The following ZSWIM6 variants were observed in gnomAD, a reference collection of about 807,000 sequenced individuals.
ZSWIM6 encodes zinc finger SWIM-type containing 6.
In ZSWIM6, 9 loss-of-function variants were observed where a neutral mutation model predicts 113.2. The ratio of observed to expected loss-of-function variants is 0.08; its 90% CI spans 0.05 to 0.14. ZSWIM6 has a LOEUF of 0.14. Among genes scored for constraint, ZSWIM6 ranks in the 10% least tolerant of loss-of-function variants. The pLI, the probability that ZSWIM6 is intolerant of heterozygous loss-of-function variation, is 1.00. For synonymous variants in ZSWIM6, 611 were observed against 606.5 expected, an observed-to-expected ratio of 1.01 and a Z score of -0.11; for missense variants, 1,162 against 1,552.2, an observed-to-expected ratio of 0.75 and a Z score of 4.22.
At chr5:61,340,977 C>G (rs1217317774) in intron 1 of ZSWIM6, among the ~76,000 whole-genome samples, 3 of 152,204 alleles carry the variant, frequency 2.0e-5, no homozygotes, top group African/African-American at 7.2e-5. Flanking sequence ...AACTACAAAA[C>G]TGTATTACAG....
At chr5:61,421,593 A>G (rs1341275838) in intron 1 of ZSWIM6, among the ~76,000 whole-genome samples, 1 of 152,104 alleles carries the variant, frequency 6.6e-6, no homozygotes, top group Admixed American at 6.5e-5. Context: ...CAGGTATTAA[A>G]CCCAGTACCC....
chr5:61,367,867 T>A (rs1745192372), intron 1 of ZSWIM6, among the ~76,000 whole-genome samples: 1 of 152,172 alleles, frequency 6.6e-6, no homozygotes, highest in South Asian at 2.1e-4. Context: ...ACACCTGTAA[T>A]CCCAACATTT....
chr5:61,379,854 G>T (rs1745441940), intron 1 of ZSWIM6, among the ~76,000 whole-genome samples: 2 of 152,070 alleles, frequency 1.3e-5, no homozygotes, highest in African/African-American at 4.8e-5. Flanking sequence ...CCTAGGGTAG[G>T]TAGGAGATCC....
chr5:61,345,193 A>G (rs1300555150), intron 1 of ZSWIM6, among the ~76,000 whole-genome samples: 2 of 152,224 alleles, frequency 1.3e-5, no homozygotes, highest in Non-Finnish European at 2.9e-5. Context: ...CATTAAAAAG[A>G]AACACATACT....
At chr5:61,533,176 C>T (rs1049163604) in intron 9 of ZSWIM6, among the ~76,000 whole-genome samples, 3 of 152,228 alleles carry the variant, frequency 2.0e-5, no homozygotes, top group Admixed American at 2.0e-4. Flanking sequence ...GCCTCTTCTC[C>T]TTTCCTGGCC....
intron 4 of ZSWIM6, among the ~76,000 whole-genome samples, chr5:61,512,084 A>G (rs971049952): frequency 2.0e-4 from 30 of 152,064 alleles, no homozygotes; most frequent in Admixed American, 1.6e-3. Context: ...CCACCACCAC[A>G]ATCAAGATAG....
chr5:61,332,999 TGGGG>T, intron 1 of ZSWIM6, 51 bp downstream of exon 1: 16 of 622,010 alleles, frequency 2.6e-5, no homozygotes, highest in African/African-American at 4.4e-5. Context: ...AGTCCCTGGG[TGGGG>T]GGGGGGTGCC....
intron 1 of ZSWIM6, among the ~76,000 whole-genome samples, chr5:61,384,980 A>G (rs1365171387): frequency 6.6e-6 from 1 of 152,156 alleles, no homozygotes; most frequent in East Asian, 1.9e-4. Flanking sequence ...GAATGGCGTG[A>G]ACCCGGGAGG....
intron 9 of ZSWIM6, among the ~76,000 whole-genome samples, chr5:61,533,891 T>C (rs1749509329): frequency 6.6e-6 from 1 of 152,212 alleles, no homozygotes; most frequent in Non-Finnish European, 1.5e-5. Flanking sequence ...ATCATTGGCT[T>C]CTGATGAGGG....
chr5:61,412,625 A>G lies in ZSWIM6; in HGVS notation c.677-60056A>G, dbSNP rs188556048. Among the ~76,000 whole-genome samples, 167 of 152,344 alleles carry G rather than the reference A, an allele frequency of 1.1e-3. 1 individual carries two copies. The highest frequency in any genetic ancestry group is 3.8e-3 in the African/African-American group (158 of 41,564). On this transcript the variant is annotated intron_variant, in intron 1 of 13. Coordinates refer to ENST00000252744, the MANE Select transcript of ZSWIM6 (RefSeq NM_020928.2). ...GTTCCGCAGTGAAAACAGATTGTCA[A>G]AACCAGAAAAGAGGCACATTGTGCT...
chr5:61,415,462 C>T (rs1287531702), intron 1 of ZSWIM6, among the ~76,000 whole-genome samples: 3 of 151,902 alleles, frequency 2.0e-5, no homozygotes, highest in African/African-American at 7.3e-5. Context: ...CGTGGTGGCA[C>T]GTGCCTGTAA....
chr5:61,493,333 T>C (rs1044653869), intron 3 of ZSWIM6, among the ~76,000 whole-genome samples: 19 of 152,228 alleles, frequency 1.2e-4, no homozygotes, highest in African/African-American at 4.6e-4. Context: ...CTTTATGCAA[T>C]TACTAATTTA....
chr5:61,365,586 A>G (rs955529285), intron 1 of ZSWIM6, among the ~76,000 whole-genome samples: 11 of 152,132 alleles, frequency 7.2e-5, no homozygotes, highest in African/African-American at 2.4e-4. Flanking sequence ...TGATCCTTCC[A>G]TTTCACCCTC....
intron 1 of ZSWIM6, among the ~76,000 whole-genome samples, chr5:61,424,219 TAAAAG>T (rs1746417420): frequency 6.6e-6 from 1 of 152,182 alleles, no homozygotes; most frequent in Non-Finnish European, 1.5e-5. Flanking sequence ...TTTCTAAAAA[TAAAAG>T]GAACTGCCTA....
intron 1 of ZSWIM6, among the ~76,000 whole-genome samples, chr5:61,408,467 A>G (rs1337892784): frequency 6.6e-6 from 1 of 152,232 alleles, no homozygotes; most frequent in African/African-American, 2.4e-5. Flanking sequence ...TTGAAAATTA[A>G]CATTGCTTTA....
intron 4 of ZSWIM6, among the ~76,000 whole-genome samples, chr5:61,517,759 A>AT (rs199798959): frequency 3.3e-4 from 50 of 149,308 alleles, no homozygotes; most frequent in Admixed American, 1.5e-3. Context: ...TCCTCAGGAG[A>AT]TTTTTTTTTA....
chr5:61,526,540 C>G (rs781111121), intron 7 of ZSWIM6, 144 bp downstream of exon 7: 17 of 1,027,272 alleles, frequency 1.7e-5, no homozygotes, highest in Non-Finnish European at 2.3e-5. Flanking sequence ...AATGGCTGAT[C>G]TGTGAGAAAT....
chr5:61,474,924 G>A (rs375995755), intron 2 of ZSWIM6, among the ~76,000 whole-genome samples: 24 of 152,130 alleles, frequency 1.6e-4, no homozygotes, highest in African/African-American at 2.2e-4. Context: ...TGTGTAAAGC[G>A]TTTGACTTGG....
chr5:61,430,395 TAGTA>T (rs1457370840), intron 1 of ZSWIM6, among the ~76,000 whole-genome samples: 10 of 152,178 alleles, frequency 6.6e-5, no homozygotes, highest in Admixed American at 1.3e-4. Context: ...TTTGGGAAAT[TAGTA>T]AGATTCTCAA....
Sources: gnomAD v4.1 joint callset for allele counts (sites outside exome capture counted in the v4.1 genomes callset) on GRCh38, gnomAD v4.1.1 for gene constraint, MANE v1.5 for transcripts, NCBI Gene and HGNC (gene_info 2026-07-23, HGNC 2026-07-21) for gene names.